Variants in MAPK9 observed in about 807,000 individuals in gnomAD.
MAPK9 encodes mitogen-activated protein kinase 9.
Under a neutral mutation model 57.1 loss-of-function variants are expected in MAPK9, and 30 were observed. That is an observed-to-expected ratio of 0.53 (90% CI 0.39 to 0.71). The LOEUF (loss-of-function observed/expected upper bound fraction) is 0.71. MAPK9 is among the 30% of genes least tolerant of loss of function. The probability of loss-of-function intolerance (pLI) is 0.00; values close to 1 mark genes in which losing one functional copy is unlikely to be tolerated. For missense variants in MAPK9, 362 were observed against 521.0 expected, an observed-to-expected ratio of 0.69 and a Z score of 2.97; for synonymous variants, 155 against 177.0, an observed-to-expected ratio of 0.88 and a Z score of 0.99.
At chr5:180,264,974 C>T (rs990579829) in intron 3 of MAPK9, 135 bp from the exon 4 acceptor site, 1 of 621,914 alleles carries the variant, frequency 1.6e-6, no homozygotes, top group Non-Finnish European at 2.4e-6. Context: ...ACTGCTTTTA[C>T]CAATTACATG....
chr5:180,247,686 A>G lies in MAPK9; in HGVS notation c.617-176T>C, dbSNP rs1386241954. The G allele has an allele frequency of 4.2e-6, 4 of 945,520 alleles. No individual in the cohort carries two copies. The highest frequency in any genetic ancestry group is 5.0e-6 in the Non-Finnish European group (3 of 599,344). 58.6% of individuals were successfully genotyped at this position (945,520 alleles called of 1,614,324 possible). A position where few individuals can be genotyped will look rare whatever the true frequency, so the allele number is the denominator to read the frequency against. On this transcript the variant is annotated intron_variant, in intron 6 of 11. Transcript: ENST00000452135. The surrounding 1 kb of genome is among the most constrained non-coding windows in gnomAD (Gnocchi z 4.5). ...ACCTCTATTTTAGCCTTCGGTTTGT[A>G]GCAATCTGGGGTTTTAGTGCCAAAG...
intron 5 of MAPK9, among the ~76,000 whole-genome samples, chr5:180,258,971 T>C (rs1204932126): frequency 6.6e-6 from 1 of 150,434 alleles, no homozygotes; most frequent in Non-Finnish European, 1.5e-5. Context: ...GAGGTGGAGG[T>C]TGCAGTGAGC....
chr5:180,233,245 C>T lies in MAPK9; in HGVS notation c.*3139G>A, dbSNP rs962707256. On this transcript the variant is annotated 3_prime_UTR_variant, in exon 12 of 12. Coordinates refer to ENST00000452135, the MANE Select transcript of MAPK9 (RefSeq NM_002752.5). The stretch of plus-strand genomic sequence containing the variant: ...ATCCCAGGCACAAAGCCACAAGCAC[C>T]ATGAATGACGTTAAGTAACATGACT... 7.9e-5 allele frequency: 12 copies of T among 152,194 alleles called. No individual in the cohort carries two copies. The highest frequency in any genetic ancestry group is 2.9e-4 in the African/African-American group (12 of 41,416). The allele number at this position is 152,194 out of a possible 1,614,324, so 9.4% of individuals were successfully genotyped here.
chr5:180,281,134 C>T (rs1235977628), intron 1 of MAPK9, among the ~76,000 whole-genome samples: 2 of 152,214 alleles, frequency 1.3e-5, no homozygotes, highest in Admixed American at 1.3e-4. Context: ...CTGTCAGAGG[C>T]CTGGTGGCAT....
intron 2 of MAPK9, among the ~76,000 whole-genome samples, chr5:180,275,340 A>G (rs1489925312): frequency 6.6e-6 from 1 of 152,204 alleles, no homozygotes; most frequent in East Asian, 1.9e-4. Context: ...AGCAAATGAG[A>G]TGATAATCTG....
rs1185552957 is a variant in MAPK9, at chr5:180,233,961, T to C, written c.*2423A>G. ...TGACACGGTATGCACAGCCAGGGTT[T>C]CCAGACTGCTCTCCTGCTCTCACAG... is the stretch of plus-strand genomic sequence containing the variant. On this transcript the variant is annotated 3_prime_UTR_variant, in exon 12 of 12. Transcript: ENST00000452135. 1.3e-5 allele frequency: 2 copies of C among 152,256 alleles called. No homozygotes were observed. The highest frequency in any genetic ancestry group is 4.8e-5 in the African/African-American group (2 of 41,464). 9.4% of individuals were successfully genotyped at this position (152,256 alleles called of 1,614,324 possible).
chr5:180,278,596 G>T (rs1442181440), intron 2 of MAPK9, among the ~76,000 whole-genome samples: 1 of 152,158 alleles, frequency 6.6e-6, no homozygotes, highest in Non-Finnish European at 1.5e-5. Flanking sequence ...GCTACCGGGA[G>T]GCTGAGGCAG....
intron 3 of MAPK9, among the ~76,000 whole-genome samples, chr5:180,265,433 C>T (rs1449137450): frequency 2.0e-5 from 3 of 152,160 alleles, no homozygotes; most frequent in Admixed American, 6.5e-5. Flanking sequence ...CGGTTTCCCC[C>T]GTGCTGTTCT....
At chr5:180,240,598 G>A (rs1327901024) in intron 9 of MAPK9, among the ~76,000 whole-genome samples, 2 of 152,234 alleles carry the variant, frequency 1.3e-5, no homozygotes, top group African/African-American at 4.8e-5. Context: ...ACGCACGTGA[G>A]CACCAAACTC....
At chr5:180,261,401 G>T (rs1581231532) in intron 5 of MAPK9, among the ~76,000 whole-genome samples, 1 of 152,178 alleles carries the variant, frequency 6.6e-6, no homozygotes. Flanking sequence ...TTTTCTCTAA[G>T]TTTTAAGTTA....
intron 2 of MAPK9, among the ~76,000 whole-genome samples, chr5:180,274,084 T>A (rs1319215025): frequency 6.6e-6 from 1 of 152,224 alleles, no homozygotes; most frequent in African/African-American, 2.4e-5. Context: ...AAATCAGACA[T>A]CCCACCACGA....
intron 10 of MAPK9, 96 bp from the exon 11 acceptor site, chr5:180,238,499 T>C (rs1184305923): frequency 3.5e-6 from 3 of 859,872 alleles, no homozygotes; most frequent in Non-Finnish European, 5.7e-6. Flanking sequence ...AACAAAGGCA[T>C]TGCGATTTGT....
chr5:180,287,552 C>T (rs1288932893), intron 1 of MAPK9, among the ~76,000 whole-genome samples: 1 of 152,192 alleles, frequency 6.6e-6, no homozygotes, highest in African/African-American at 2.4e-5. Context: ...AGTCCTCTGG[C>T]CCAATCTTAG....
intron 1 of MAPK9, among the ~76,000 whole-genome samples, chr5:180,284,313 C>T (rs1351991860): frequency 6.6e-6 from 1 of 152,254 alleles, no homozygotes; most frequent in Non-Finnish European, 1.5e-5. Flanking sequence ...TGTGCTGCCA[C>T]CATCCGTCCA....
At chr5:180,252,987 G>C (rs1758869206) in intron 5 of MAPK9, among the ~76,000 whole-genome samples, 1 of 152,204 alleles carries the variant, frequency 6.6e-6, no homozygotes, top group Admixed American at 6.5e-5. Flanking sequence ...GAGGGGGCCA[G>C]GGTGGACTGT....
chr5:180,244,275 C>T (rs1757897579), intron 7 of MAPK9, among the ~76,000 whole-genome samples: 1 of 152,162 alleles, frequency 6.6e-6, no homozygotes, highest in African/African-American at 2.4e-5. Context: ...ACTAAGCCTG[C>T]TCAGCTCTAG....
intron 2 of MAPK9, among the ~76,000 whole-genome samples, chr5:180,278,516 A>T (rs989496281): frequency 9.2e-5 from 14 of 152,322 alleles, no homozygotes; most frequent in Non-Finnish European, 1.5e-4. Flanking sequence ...CCTGGCCAAC[A>T]TGGGGAAACC....
chr5:180,244,129 G>A (rs1757882598), intron 7 of MAPK9, among the ~76,000 whole-genome samples: 2 of 152,146 alleles, frequency 1.3e-5, no homozygotes, highest in South Asian at 2.1e-4. Context: ...GATTATAGGT[G>A]TGAGCCACTG....
chr5:180,265,648 C>G (rs1054935872), intron 3 of MAPK9, among the ~76,000 whole-genome samples: 2 of 152,220 alleles, frequency 1.3e-5, no homozygotes, highest in Non-Finnish European at 2.9e-5. Flanking sequence ...ATAAGTTACA[C>G]TGTCTTGGGT....
Sources: allele counts gnomAD v4.1 joint callset (sites outside exome capture counted in the v4.1 genomes callset), GRCh38; gene constraint gnomAD v4.1.1; non-coding constraint Gnocchi (gnomAD v3.1); transcripts MANE v1.5; gene names NCBI Gene and HGNC (gene_info 2026-07-23, HGNC 2026-07-21).